The following HJV variants were observed in gnomAD, a reference collection of about 807,000 sequenced individuals.
HJV encodes hemojuvelin.
Under a neutral mutation model 22.7 loss-of-function variants are expected in HJV, and 18 were observed. That is an observed-to-expected ratio of 0.79 (90% CI 0.55 to 1.18). The LOEUF (loss-of-function observed/expected upper bound fraction) is 1.18, where lower values mean the gene tolerates loss of function less well. Ranked by LOEUF, HJV falls within the 50% of genes most tolerant of loss-of-function variation. The pLI is 0.00. For missense variants in HJV, 572 were observed against 553.0 expected (o/e 1.03, Z -0.34); for synonymous variants, 229 against 222.7 (o/e 1.03, Z -0.25).
At position 146,018,440 on chromosome 1, in the gene HJV, C is replaced by T. The variant is rs782119630; in HGVS notation, c.918G>A (p.Met306Ile). ...FSIKVAEDVA[M>I]AFSAEQDLQL... ...GCAGGTCCTGTTCAGCTGAGAAGGC[C>T]ATGGCCACATCCTCTGCTACCTTGA... is the stretch of plus-strand genomic sequence containing the variant. The change falls in exon 4 of 4, where the codon ATG (methionine) becomes ATA (isoleucine). Residue 306 changes from methionine (M) to isoleucine (I), a missense_variant. Physicochemically the swap from Met to Ile is conservative, Grantham distance 10. Transcript: ENST00000336751. 3.1e-6 allele frequency: 5 copies of T among 1,614,170 alleles called. No homozygotes were observed. The South Asian group carries it at 5.5e-5, about 18-fold the overall frequency.
chr1:146,018,065 C>T lies in HJV; in HGVS notation c.*12G>A. ...AATCATTTCCAAACTAGTAATGGGA[C>T]TGATGGTCCCCTTACTGAATGCAAA... is the stretch of plus-strand genomic sequence containing the variant. On this transcript the variant is annotated 3_prime_UTR_variant, in exon 4 of 4. Coordinates refer to ENST00000336751, the MANE Select transcript of HJV (RefSeq NM_213653.4). The T allele has an allele frequency of 6.2e-7, 1 of 1,613,770 alleles. No individual in the cohort carries two copies. Among genetic ancestry groups the T allele is most frequent in the Non-Finnish European group, 8.5e-7 (1 of 1,179,848 alleles).
At position 146,020,168 on chromosome 1, in the gene HJV, T is replaced by C. The variant is rs1037259993; in HGVS notation, c.64A>G (p.Thr22Ala). ...CAGAGGAGCAGCAGGAGAGTGAGAG[T>C]GCTTAGAGTTGGGGGACTGCCATGG... Reference protein sequence around the residue: ...SSHGSPPTLSTLTLLLLLCGH... With the variant: ...SSHGSPPTLSALTLLLLLCGH... Residue 22 changes from threonine (T) to alanine (A), a missense_variant, in exon 2 of 4, where the codon ACT (threonine) becomes GCT (alanine). Coordinates refer to ENST00000336751, the MANE Select transcript of HJV (RefSeq NM_213653.4). The C allele has an allele frequency of 6.2e-7, 1 of 1,612,206 alleles. No homozygotes were observed. The highest frequency in any genetic ancestry group is 8.5e-7 in the Non-Finnish European group (1 of 1,178,800).
chr1:146,020,085 AG>A, intron 2 of HJV, 49 bp downstream of exon 2: 1 of 1,310,792 alleles, frequency 7.6e-7, no homozygotes, highest in Non-Finnish European at 1.1e-6. Context: ...ACCCCTACAT[AG>A]CAGCCTACCC....
At position 146,017,840 on chromosome 1, in the gene HJV, A is replaced by G. The variant is rs1057509867; in HGVS notation, c.*237T>C. The G allele has an allele frequency of 7.1e-6, 4 of 559,988 alleles. No homozygotes were observed. Among genetic ancestry groups the G allele is most frequent in the Non-Finnish European group, 6.5e-6 (2 of 305,888 alleles). The allele number at this position is 559,988 out of a possible 1,614,324, so 34.7% of individuals were successfully genotyped here. On this transcript the variant is annotated 3_prime_UTR_variant, in exon 4 of 4. Coordinates refer to ENST00000336751, the MANE Select transcript of HJV (RefSeq NM_213653.4). ...GGATTAGAACAATTTGTTTACTATAAATGAGGCTGGAAAAATTGGTGAAGA... is the reference window on the plus strand; with the variant it reads ...GGATTAGAACAATTTGTTTACTATAGATGAGGCTGGAAAAATTGGTGAAGA...
chr1:146,020,307 A>G lies in HJV; in HGVS notation c.-76T>C. The G allele has an allele frequency of 1.1e-6, 1 of 939,538 alleles. No homozygotes were observed. The highest frequency in any genetic ancestry group is 2.4e-5 in the East Asian group (1 of 41,754). 58.2% of individuals were successfully genotyped at this position (939,538 alleles called of 1,614,324 possible). On this transcript the variant is annotated 5_prime_UTR_variant, in exon 2 of 4. Coordinates refer to ENST00000336751, the MANE Select transcript of HJV (RefSeq NM_213653.4). ...TCCTACCTAGTGAATTTTGACCGGAAGCCCTGTAAGTGACTGAAAAAAGAA... is the reference window on the plus strand; with the variant it reads ...TCCTACCTAGTGAATTTTGACCGGAGGCCCTGTAAGTGACTGAAAAAAGAA...
At position 146,018,478 on chromosome 1, in the gene HJV, G is replaced by A. The variant is rs1553769477; in HGVS notation, c.880C>T (p.Leu294Phe). The A allele has an allele frequency of 2.5e-6, 4 of 1,614,212 alleles. No homozygotes were observed. The highest frequency in any genetic ancestry group is 3.4e-6 in the Non-Finnish European group (4 of 1,180,032). ...TCTGCTACCTTGATGGAGAAGGAGAGCTGCCCAGCTGTCTGCCGAATGATT... is the reference window on the plus strand; with the variant it reads ...TCTGCTACCTTGATGGAGAAGGAGAACTGCCCAGCTGTCTGCCGAATGATT... ...TIIIRQTAGQLSFSIKVAEDV... is the reference protein window; with the variant it reads ...TIIIRQTAGQFSFSIKVAEDV... The change falls in exon 4 of 4, where the codon CTC (leucine) becomes TTC (phenylalanine). Residue 294 changes from leucine to phenylalanine, a missense_variant. Coordinates refer to ENST00000336751, the MANE Select transcript of HJV (RefSeq NM_213653.4).
At chr1:146,019,135 A>C in intron 3 of HJV, 40 bp downstream of exon 3, 15 of 1,481,594 alleles carry the variant, frequency 1.0e-5, no homozygotes, top group African/African-American at 1.4e-5. Flanking sequence ...CCGTGGAAGA[A>C]TCTCATGAGG....
At position 146,018,044 on chromosome 1, in the gene HJV, A is replaced by G; in HGVS notation, c.*33T>C. The stretch of plus-strand genomic sequence containing the variant: ...CTATGCCAATCTGTATCTCCAAATC[A>G]TTTCCAAACTAGTAATGGGACTGAT... On this transcript the variant is annotated 3_prime_UTR_variant, in exon 4 of 4. Coordinates refer to ENST00000336751, the MANE Select transcript of HJV (RefSeq NM_213653.4). 6.2e-7 allele frequency: 1 copy of G among 1,611,434 alleles called. No homozygotes were observed. Among genetic ancestry groups the G allele is most frequent in the South Asian group, 1.1e-5 (1 of 90,896 alleles).
rs373894351 is a variant in HJV at position 146,019,557 on chromosome 1, C to G, written c.275G>C (p.Arg92Pro). Residue 92 changes from arginine (R) to proline (P), a missense_variant, in exon 3 of 4, where the codon CGC becomes CCC. Arg to Pro is a moderately radical substitution (Grantham distance 103). Coordinates refer to ENST00000336751, the MANE Select transcript of HJV (RefSeq NM_213653.4). ...GTCCCCGCGGCAGGTGCGGGCGGTGCGCCGAGTGCAGAGCGCATAGGAGCG... is the reference window on the plus strand; with the variant it reads ...GTCCCCGCGGCAGGTGCGGGCGGTGGGCCGAGTGCAGAGCGCATAGGAGCG... Reference protein sequence around the residue: ...ALRSYALCTRRTARTCRGDLA... With the variant: ...ALRSYALCTRPTARTCRGDLA... 23 of 1,612,806 alleles carry G rather than the reference C, an allele frequency of 1.4e-5. No homozygotes were observed. Among genetic ancestry groups the G allele is most frequent in the Non-Finnish European group, 1.8e-5 (21 of 1,179,950 alleles).
chr1:146,020,006 T>C lies in HJV; in HGVS notation c.97+129A>G, dbSNP rs1188531925. 7 of 832,916 alleles carry C rather than the reference T, an allele frequency of 8.4e-6. No homozygotes were observed. The East Asian group carries it at 1.6e-4, about 19-fold the overall frequency. The allele number at this position is 832,916 out of a possible 1,614,324, so 51.6% of individuals were successfully genotyped here. ...TGAACGGGAAATAAAATATTAGTAT[T>C]TGAGAGCAGGGCGAGTGATCGGGAC... is the stretch of plus-strand genomic sequence containing the variant. On this transcript the variant is annotated intron_variant, in intron 2 of 3. Transcript: ENST00000336751.
At chr1:146,018,868 C>T (rs1167037761) in intron 3 of HJV, among the ~76,000 whole-genome samples, 168 bp from the exon 4 acceptor site, 2 of 152,214 alleles carry the variant, frequency 1.3e-5, no homozygotes, top group Non-Finnish European at 2.9e-5. Flanking sequence ...CTCATCCCTA[C>T]TTAACCCCCT....
rs139243524 is a variant in HJV at position 146,018,402 on chromosome 1, C to G, written c.956G>C (p.Gly319Ala). The G allele has an allele frequency of 7.4e-6, 12 of 1,614,024 alleles. No individual in the cohort carries two copies. In the African/African-American group the frequency reaches 1.2e-4, roughly 16 times the overall value. The stretch of plus-strand genomic sequence containing the variant: ...GAGTCGCTGACTTGGAGGGCACCCC[C>G]CAACACAGAGCTGCAGGTCCTGTTC... ...SAEQDLQLCV[G>A]GCPPSQRLSR... Residue 319 changes from glycine (G) to alanine (A), a missense_variant, in exon 4 of 4, where the codon GGG (glycine) becomes GCG (alanine). Transcript: ENST00000336751.
rs587644102 is a variant in HJV, at chr1:146,019,625, GCCT to G, written c.204_206del (p.Gly69del). ...CGCCAGAGCCCACCCCTCCACCCCGGCCTCCTCCTCCTCCTCCTCGAAGTGCTC... is the reference window on the plus strand; with the variant it reads ...CGCCAGAGCCCACCCCTCCACCCCGGCCTCCTCCTCCTCCTCGAAGTGCTC... On this transcript the variant is annotated inframe_deletion, in exon 3 of 4. Coordinates refer to ENST00000336751, the MANE Select transcript of HJV (RefSeq NM_213653.4). 2.5e-4 allele frequency: 399 copies of G among 1,602,540 alleles called. 1 individual carries two copies. The highest frequency in any genetic ancestry group is 3.1e-4 in the Non-Finnish European group (362 of 1,170,126).
At position 146,019,658 on chromosome 1, in the gene HJV, T is replaced by G; in HGVS notation, c.174A>C (p.Ser58=). 6.2e-7 allele frequency: 1 copy of G among 1,613,926 alleles called. No homozygotes were observed. Among genetic ancestry groups the G allele is most frequent in the Non-Finnish European group, 8.5e-7 (1 of 1,179,978 alleles). ...SSTLSLRGGG[S]SGALRGGGGG... is the part of the protein sequence containing the mutation. ...CTCCTCCTCCTCGAAGTGCTCCTGATGAACCCCCACCTCTAAGGCTCAGAG... is the reference window on the plus strand; with the variant it reads ...CTCCTCCTCCTCGAAGTGCTCCTGAGGAACCCCCACCTCTAAGGCTCAGAG... Residue 58 remains serine, a synonymous_variant, in exon 3 of 4, where the codon TCA becomes TCC. Transcript: ENST00000336751.
At chr1:146,018,800 C>T in intron 3 of HJV, 100 bp from the exon 4 acceptor site, 1 of 1,253,354 alleles carries the variant, frequency 8.0e-7, no homozygotes, top group Non-Finnish European at 1.2e-6. Context: ...AGTAGAGATG[C>T]AGGACTACTA....
intron 1 of HJV, among the ~76,000 whole-genome samples, chr1:146,020,540 G>A (rs1436222385): frequency 6.6e-6 from 1 of 152,132 alleles, no homozygotes; most frequent in Admixed American, 6.5e-5. Context: ...GGGGGTGGAG[G>A]GAAGGTTGAG....
chr1:146,020,050 C>T, intron 2 of HJV, 85 bp downstream of exon 2: 1 of 954,444 alleles, frequency 1.0e-6, no homozygotes, highest in Non-Finnish European at 1.7e-6. Flanking sequence ...CCTATCTCTC[C>T]TCACTCATTC....
chr1:146,019,572 G>C lies in HJV; in HGVS notation c.260C>G (p.Ala87Gly), dbSNP rs1652583950. ...GCGGGCGGTGCGCCGAGTGCAGAGCGCATAGGAGCGGAGGGCTCGACAGAG... is the reference window on the plus strand; with the variant it reads ...GCGGGCGGTGCGCCGAGTGCAGAGCCCATAGGAGCGGAGGGCTCGACAGAG... The part of the protein sequence containing the change: ...GGLCRALRSY[A>G]LCTRRTARTC... Residue 87 changes from alanine to glycine, a missense_variant, in exon 3 of 4, where the codon GCG becomes GGG. By Grantham distance (60) the Ala-to-Gly change is moderately conservative. Coordinates refer to ENST00000336751, the MANE Select transcript of HJV (RefSeq NM_213653.4). 1 of 1,613,280 alleles carries C rather than the reference G, an allele frequency of 6.2e-7. No homozygotes were observed. Among genetic ancestry groups the C allele is most frequent in the African/African-American group, 1.3e-5 (1 of 74,916 alleles).
At chr1:146,021,219 C>G (rs1296642372) in intron 1 of HJV, among the ~76,000 whole-genome samples, 1 of 152,106 alleles carries the variant, frequency 6.6e-6, no homozygotes, top group Non-Finnish European at 1.5e-5. Context: ...AAGGGCATTG[C>G]TAAGTGGGGG....
Sources: allele counts gnomAD v4.1 joint callset (sites outside exome capture counted in the v4.1 genomes callset), GRCh38; gene constraint gnomAD v4.1.1; transcripts MANE v1.5; gene names NCBI Gene and HGNC (gene_info 2026-07-23, HGNC 2026-07-21).